PIKFYVE: variants seen among roughly 807,000 people sequenced by gnomAD.
PIKFYVE encodes the protein 1-phosphatidylinositol 3-phosphate 5-kinase.
PIKFYVE carries 122 observed loss-of-function variants against 257.9 expected under a neutral mutation model. The ratio of observed to expected loss-of-function variants is 0.47; its 90% confidence interval spans 0.41 to 0.55. The LOEUF (loss-of-function observed/expected upper bound fraction) is 0.55, where lower values mean the gene tolerates loss of function less well. Ranked by LOEUF, PIKFYVE falls within the 20% of genes least tolerant of loss-of-function variation. The pLI is 0.00. For missense variants in PIKFYVE, 2,160 were observed against 2,536.6 expected (o/e 0.85, Z 3.19); for synonymous variants, 892 against 868.9 (o/e 1.03, Z -0.47).
At chr2:208,286,463 G>T (rs890839459) in intron 6 of PIKFYVE, among the ~76,000 whole-genome samples, 1 of 152,042 alleles carries the variant, frequency 6.6e-6, no homozygotes, top group Admixed American at 6.6e-5. Context: ...TGGTAGTAGA[G>T]GGTGCTAACT....
intron 22 of PIKFYVE, among the ~76,000 whole-genome samples, chr2:208,330,135 C>G (rs1016392323): frequency 3.9e-5 from 6 of 152,154 alleles, no homozygotes; most frequent in African/African-American, 1.2e-4. Flanking sequence ...TCTAATTACC[C>G]TACCATCAAC....
intron 5 of PIKFYVE, among the ~76,000 whole-genome samples, chr2:208,283,509 T>G (rs1042910219): frequency 6.6e-6 from 1 of 152,248 alleles, no homozygotes; most frequent in African/African-American, 2.4e-5. Flanking sequence ...TCCTTTATAG[T>G]GTAAGAAACA....
chr2:208,320,989 T>A (rs1696139517), intron 17 of PIKFYVE, among the ~76,000 whole-genome samples: 1 of 152,230 alleles, frequency 6.6e-6, no homozygotes, highest in African/African-American at 2.4e-5. Context: ...AGAGCTCCAT[T>A]TCTAGTTGTA....
In PIKFYVE at chr2:208,355,251, C is replaced by A; in HGVS notation, c.6243C>A (p.Asp2081Glu). The A allele has an allele frequency of 1.2e-6, 2 of 1,613,982 alleles. No individual in the cohort carries two copies. The highest frequency in any genetic ancestry group is 1.7e-6 in the Non-Finnish European group (2 of 1,179,896). ...LYRTRFCEAM[D>E]KYFLMVPDHW... ...GGACTAGGTTTTGTGAGGCAATGGA[C>A]AAGTATTTCCTAATGGTACCAGACC... Residue 2081 changes from aspartate (D) to glutamate (E), a missense_variant, in exon 42 of 42, where the codon GAC becomes GAA. This residue lies in a region of PIKFYVE where 38 missense variants were observed against 77.7 expected (regional missense o/e 0.49). Transcript: ENST00000264380.
intron 5 of PIKFYVE, among the ~76,000 whole-genome samples, chr2:208,281,021 TC>T (rs1690736614): frequency 6.6e-6 from 1 of 152,194 alleles, no homozygotes; most frequent in African/African-American, 2.4e-5. Flanking sequence ...TAGCAGTAGT[TC>T]CTGCTGTAAT....
chr2:208,300,792 A>G (rs1693586662), intron 8 of PIKFYVE, 145 bp from the exon 9 acceptor site: 1 of 960,550 alleles, frequency 1.0e-6, no homozygotes, highest in South Asian at 1.4e-5. Flanking sequence ...CGTATATGAC[A>G]TTTGTATTAA....
intron 13 of PIKFYVE, 140 bp from the exon 14 acceptor site, chr2:208,314,153 TG>T (rs1165370753): frequency 1.2e-6 from 1 of 829,198 alleles, no homozygotes; most frequent in African/African-American, 1.7e-5. Context: ...GTTTATTACA[TG>T]TTCTTGCCTT....
chr2:208,304,822 C>A (rs752675184), intron 11 of PIKFYVE, 24 bp from the exon 12 acceptor site: 1 of 1,607,042 alleles, frequency 6.2e-7, no homozygotes, highest in Non-Finnish European at 8.5e-7. Context: ...CCCTATATTT[C>A]TTTCCCCTTC....
At position 208,336,174 on chromosome 2, in the gene PIKFYVE, T is replaced by G. The variant is rs1160927588; in HGVS notation, c.4494T>G (p.Cys1498Trp). The G allele has an allele frequency of 6.2e-7, 1 of 1,613,956 alleles. No homozygotes were observed. The highest frequency in any genetic ancestry group is 1.3e-5 in the African/African-American group (1 of 74,916). The change falls in exon 27 of 42, where the codon TGT becomes TGG. Residue 1498 changes from cysteine to tryptophan, a missense_variant. Cys to Trp is a radical substitution (Grantham distance 215). This residue lies in a region of PIKFYVE where 699 missense variants were observed against 855.8 expected (regional missense o/e 0.82). Coordinates refer to ENST00000264380, the MANE Select transcript of PIKFYVE (RefSeq NM_015040.4). ...ESLIAKKQSL[C>W]EVLQAWNNRL... ...TCATTGCCAAGAAACAAAGTCTCTG[T>G]GAAGTGCTGCAAGCTTGGAATAACA...
rs1442066391 is a variant in PIKFYVE, at chr2:208,276,845, C to G, written c.441+15C>G. On this transcript the variant is annotated intron_variant, in intron 4 of 41. Coordinates refer to ENST00000264380, the MANE Select transcript of PIKFYVE (RefSeq NM_015040.4). ...GGAAAAGCCAGGTACTGTCTAGAGG[C>G]TTTGGAAGATTACTTATTAAGCGCT... 1 of 1,593,358 alleles carries G rather than the reference C, an allele frequency of 6.3e-7. No individual in the cohort carries two copies. Among genetic ancestry groups the G allele is most frequent in the East Asian group, 2.2e-5 (1 of 44,780 alleles).
chr2:208,350,084 G>C lies in PIKFYVE; in HGVS notation c.5434+1G>C. The C allele has an allele frequency of 6.2e-7, 1 of 1,612,404 alleles. No individual in the cohort carries two copies. Among genetic ancestry groups the C allele is most frequent in the Non-Finnish European group, 8.5e-7 (1 of 1,178,952 alleles). On this transcript the variant is annotated splice_donor_variant, in intron 36 of 41. Coordinates refer to ENST00000264380, the MANE Select transcript of PIKFYVE (RefSeq NM_015040.4). LOFTEE classifies it high-confidence loss of function. ...CTCATAAATCCTCATGTGGAACTTCGTAAGTATGAGATATTATATCATTGG... is the reference window on the plus strand; with the variant it reads ...CTCATAAATCCTCATGTGGAACTTCCTAAGTATGAGATATTATATCATTGG...
chr2:208,300,744 T>C (rs1693579497), intron 8 of PIKFYVE, among the ~76,000 whole-genome samples, 193 bp from the exon 9 acceptor site: 1 of 152,212 alleles, frequency 6.6e-6, no homozygotes, highest in Non-Finnish European at 1.5e-5. Flanking sequence ...GAAAAAGTTA[T>C]GTTTGGAATT....
In PIKFYVE at chr2:208,318,638, G is replaced by A. The variant is rs187806624; in HGVS notation, c.2082+697G>A. ...ATTCAGTAGGTTAAGGGCAATGGGAGTGTATGGATGTTAGGGAAATGGTGG... is the reference window on the plus strand; with the variant it reads ...ATTCAGTAGGTTAAGGGCAATGGGAATGTATGGATGTTAGGGAAATGGTGG... On this transcript the variant is annotated intron_variant, in intron 16 of 41. Transcript: ENST00000264380. 7.2e-5 allele frequency among the ~76,000 whole-genome samples: 11 copies of A among 152,306 alleles called. No individual in the cohort carries two copies. In the East Asian group the frequency reaches 2.1e-3, roughly 29 times the overall value.
In PIKFYVE at chr2:208,335,393, TCAGGA is replaced by T. The variant is rs757104802; in HGVS notation, c.4231_4235del (p.Gln1411SerfsTer16). 6.2e-7 allele frequency: 1 copy of T among 1,608,594 alleles called. No homozygotes were observed. The highest frequency in any genetic ancestry group is 8.5e-7 in the Non-Finnish European group (1 of 1,175,112). ...AGGCCCCATTAAAAGTGTCCCTTCTTCAGGATCTGAAGGACTTCTTTCAAAAGTAA... is the reference window on the plus strand; with the variant it reads ...AGGCCCCATTAAAAGTGTCCCTTCTTTCTGAAGGACTTCTTTCAAAAGTAA... On this transcript the variant is annotated frameshift_variant, in exon 25 of 42. Coordinates refer to ENST00000264380, the MANE Select transcript of PIKFYVE (RefSeq NM_015040.4). LOFTEE classifies it high-confidence loss of function.
chr2:208,336,703 T>C, intron 27 of PIKFYVE, 135 bp from the exon 28 acceptor site: 2 of 581,618 alleles, frequency 3.4e-6, no homozygotes, highest in Non-Finnish European at 3.1e-6. Flanking sequence ...CTTATTTATA[T>C]ATAACTTTAA....
intron 24 of PIKFYVE, among the ~76,000 whole-genome samples, chr2:208,333,898 C>T (rs1697834606): frequency 6.6e-6 from 1 of 152,162 alleles, no homozygotes; most frequent in African/African-American, 2.4e-5. Flanking sequence ...CTGCCTCGGC[C>T]TTTCAAAGTG....
chr2:208,285,211 T>G (rs1461298612), intron 5 of PIKFYVE, among the ~76,000 whole-genome samples: 2 of 152,212 alleles, frequency 1.3e-5, no homozygotes, highest in African/African-American at 2.4e-5. Flanking sequence ...TTCTCCTGCC[T>G]CACCCTCCTG....
chr2:208,323,975 A>C (rs1211429156), intron 17 of PIKFYVE, among the ~76,000 whole-genome samples, 167 bp from the exon 18 acceptor site: 4 of 151,536 alleles, frequency 2.6e-5, no homozygotes, highest in African/African-American at 9.7e-5. Context: ...TTTTCTTGTA[A>C]ATTTGTTTGA....
chr2:208,335,735 T>G, intron 25 of PIKFYVE, 58 bp from the exon 26 acceptor site: 27 of 1,272,816 alleles, frequency 2.1e-5, no homozygotes, highest in Non-Finnish European at 2.7e-5. Flanking sequence ...TCTATTTATG[T>G]GAGATAGAAA....
Sources: gnomAD v4.1 joint callset for allele counts (sites outside exome capture counted in the v4.1 genomes callset) on GRCh38, gnomAD v4.1.1 for gene constraint, gnomAD v4.1.1 regional missense constraint, MANE v1.5 for transcripts, NCBI Gene and HGNC (gene_info 2026-07-23, HGNC 2026-07-21) for gene names.